Variants in PIP4K2A observed in about 807,000 individuals in gnomAD.
PIP4K2A encodes the protein phosphatidylinositol 5-phosphate 4-kinase type-2 alpha.
Under a neutral mutation model 42.9 loss-of-function variants are expected in PIP4K2A, and 14 were observed. That is an observed-to-expected ratio of 0.33 (90% confidence interval 0.22 to 0.51). The LOEUF (loss-of-function observed/expected upper bound fraction) is 0.51, where lower values mean the gene tolerates loss of function less well. Ranked by LOEUF, PIP4K2A falls within the 20% of genes least tolerant of loss-of-function variation. The pLI is 0.97. For synonymous variants in PIP4K2A, 192 were observed against 192.2 expected, an observed-to-expected ratio of 1.00 and a Z score of 0.01; for missense variants, 434 against 519.8, an observed-to-expected ratio of 0.83 and a Z score of 1.61.
chr10:22,609,767 A>G (rs750824393), intron 1 of PIP4K2A, 50 bp from the exon 2 acceptor site: 28 of 1,119,792 alleles, frequency 2.5e-5, no homozygotes, highest in Non-Finnish European at 3.6e-5. Context: ...CCAGGTGAGG[A>G]GGACTTGACT....
chr10:22,600,340 T>A (rs184308770), intron 3 of PIP4K2A, among the ~76,000 whole-genome samples: 1 of 152,100 alleles, frequency 6.6e-6, no homozygotes, highest in South Asian at 2.1e-4. Context: ...TAAGGGAACA[T>A]GCCAATACCG....
intron 1 of PIP4K2A, among the ~76,000 whole-genome samples, chr10:22,682,731 A>T (rs1003060419): frequency 6.6e-6 from 1 of 152,158 alleles, no homozygotes; most frequent in Non-Finnish European, 1.5e-5. Flanking sequence ...CTCCAGACTG[A>T]GCCAGTCTGA....
At chr10:22,661,187 T>C (rs1309066873) in intron 1 of PIP4K2A, among the ~76,000 whole-genome samples, 2 of 152,218 alleles carry the variant, frequency 1.3e-5, no homozygotes, top group Non-Finnish European at 2.9e-5. Flanking sequence ...ATCTTTGCAG[T>C]TGCAAAGCAC....
intron 1 of PIP4K2A, among the ~76,000 whole-genome samples, chr10:22,697,107 C>T (rs1839987138): frequency 6.6e-6 from 1 of 150,454 alleles, no homozygotes. Flanking sequence ...CAATTTTCTT[C>T]AGTGTTCTCT....
intron 1 of PIP4K2A, among the ~76,000 whole-genome samples, chr10:22,648,985 C>T (rs1055959025): frequency 6.6e-6 from 1 of 152,128 alleles, no homozygotes; most frequent in African/African-American, 2.4e-5. Context: ...TCTGATTTCC[C>T]ATAAAATACC....
intron 1 of PIP4K2A, among the ~76,000 whole-genome samples, chr10:22,698,337 T>G (rs1289151970): frequency 6.6e-6 from 1 of 152,192 alleles, no homozygotes; most frequent in Non-Finnish European, 1.5e-5. Flanking sequence ...GGAAAGCAGC[T>G]CTTAGCCACA....
rs1266110399 is a variant in PIP4K2A at position 22,537,041 on chromosome 10, G to A, written c.*160C>T. 1 of 612,380 alleles carries A rather than the reference G, an allele frequency of 1.6e-6. No homozygotes were observed. The highest frequency in any genetic ancestry group is 1.9e-5 in the African/African-American group (1 of 53,504). 37.9% of individuals were successfully genotyped at this position (612,380 alleles called of 1,614,324 possible). A position where few individuals can be genotyped will look rare whatever the true frequency, so the allele number is the denominator to read the frequency against. On this transcript the variant is annotated 3_prime_UTR_variant, in exon 10 of 10. Transcript: ENST00000376573. ...GCTGGGAAAATCAGGTAGCTGTAAA[G>A]CGAGTAGCCCCCAAATCAGTCATCT...
intron 4 of PIP4K2A, among the ~76,000 whole-genome samples, chr10:22,578,958 T>A (rs904502085): frequency 1.3e-5 from 2 of 152,146 alleles, no homozygotes; most frequent in Non-Finnish European, 2.9e-5. Context: ...GTGTTACAAA[T>A]ATGAAAATTC....
At chr10:22,538,110 A>AT (rs1418044260) in intron 9 of PIP4K2A, among the ~76,000 whole-genome samples, 8 of 152,352 alleles carry the variant, frequency 5.3e-5, no homozygotes, top group Admixed American at 2.6e-4. Context: ...CTAAGTGAGC[A>AT]TGTGCTGTTT....
intron 4 of PIP4K2A, among the ~76,000 whole-genome samples, chr10:22,580,207 T>G (rs1264101297): frequency 1.3e-5 from 2 of 151,994 alleles, no homozygotes; most frequent in Admixed American, 6.5e-5. Context: ...TCTGTATTTA[T>G]AAAGTGAGAT....
chr10:22,703,416 A>AAAAT (rs892971185), intron 1 of PIP4K2A, among the ~76,000 whole-genome samples: 1 of 152,192 alleles, frequency 6.6e-6, no homozygotes, highest in Non-Finnish European at 1.5e-5. Context: ...CTCAAATAAA[A>AAAAT]AAATAAATAA....
At chr10:22,582,303 C>T (rs890393038) in intron 4 of PIP4K2A, among the ~76,000 whole-genome samples, 1 of 151,066 alleles carries the variant, frequency 6.6e-6, no homozygotes, top group Admixed American at 6.6e-5. Context: ...TTTCCTTTGC[C>T]CTTAGGCACT....
intron 1 of PIP4K2A, among the ~76,000 whole-genome samples, chr10:22,672,942 T>C (rs1839484265): frequency 6.6e-6 from 1 of 152,194 alleles, no homozygotes. Flanking sequence ...CTTCTAGTAT[T>C]AACAGAGCTT....
intron 4 of PIP4K2A, among the ~76,000 whole-genome samples, chr10:22,577,033 G>A (rs1418903856): frequency 1.4e-5 from 2 of 143,308 alleles, no homozygotes; most frequent in Non-Finnish European, 3.0e-5. Context: ...AGCCGAGATT[G>A]CGCCACTGCA....
intron 1 of PIP4K2A, among the ~76,000 whole-genome samples, chr10:22,612,500 T>G (rs951907778): frequency 6.6e-6 from 1 of 151,964 alleles, no homozygotes; most frequent in Admixed American, 6.6e-5. Context: ...ATAGACAAGG[T>G]GCGTGGCATG....
At chr10:22,663,286 AG>A (rs1839243048) in intron 1 of PIP4K2A, among the ~76,000 whole-genome samples, 1 of 152,238 alleles carries the variant, frequency 6.6e-6, no homozygotes, top group Non-Finnish European at 1.5e-5. Flanking sequence ...TAGTAAATCG[AG>A]GCTTAGTTGA....
intron 1 of PIP4K2A, among the ~76,000 whole-genome samples, chr10:22,677,942 G>A (rs1839589652): frequency 6.6e-6 from 1 of 152,088 alleles, no homozygotes; most frequent in African/African-American, 2.4e-5. Context: ...GCCACTAAGG[G>A]CTCTTAAAAA....
Position 22,595,881 on chromosome 10 carries a change from C to T in PIP4K2A, c.340-4100G>A, listed in dbSNP as rs563422430. ...TGGGGAGAGAACAGGCTGAATTAGA[C>T]CTCTACCTTGGATCTTTTATGACTC... On this transcript the variant is annotated intron_variant, in intron 3 of 9. Coordinates refer to ENST00000376573, the MANE Select transcript of PIP4K2A (RefSeq NM_005028.5). 4.6e-5 allele frequency among the ~76,000 whole-genome samples: 7 copies of T among 152,184 alleles called. No homozygotes were observed. The South Asian group carries it at 1.5e-3, about 32-fold the overall frequency.
intron 6 of PIP4K2A, among the ~76,000 whole-genome samples, chr10:22,555,645 G>A (rs528672938): frequency 1.3e-5 from 2 of 152,214 alleles, no homozygotes; most frequent in South Asian, 4.1e-4. Context: ...GGGTTAGTGT[G>A]TAAATCAAAT....
Sources: allele counts gnomAD v4.1 joint callset (sites outside exome capture counted in the v4.1 genomes callset), GRCh38; gene constraint gnomAD v4.1.1; transcripts MANE v1.5; gene names NCBI Gene and HGNC (gene_info 2026-07-23, HGNC 2026-07-21).